Variants in CADM2 observed in about 807,000 individuals in gnomAD.
CADM2 encodes the protein immunoglobulin superfamily member 4D.
Under a neutral mutation model 49.8 loss-of-function variants are expected in CADM2, and 12 were observed. The observed-to-expected ratio is 0.24, with a 90% CI of 0.15 to 0.39. The LOEUF is 0.39. Ranked by LOEUF, CADM2 falls within the 10% of genes least tolerant of loss-of-function variation. CADM2 has a pLI of 1.00. For missense variants in CADM2, 378 were observed against 492.3 expected (o/e 0.77, Z 2.20); for synonymous variants, 214 against 175.4 (o/e 1.22, Z -1.74).
intron 1 of CADM2, among the ~76,000 whole-genome samples, chr3:85,202,117 C>T (rs1048567237): frequency 6.9e-6 from 1 of 144,710 alleles, no homozygotes. Flanking sequence ...CTCATCTGTT[C>T]AAGTTTTATC....
At chr3:85,220,959 T>C (rs1264812103) in intron 1 of CADM2, among the ~76,000 whole-genome samples, 1 of 152,150 alleles carries the variant, frequency 6.6e-6, no homozygotes, top group Non-Finnish European at 1.5e-5. Flanking sequence ...ATTATAGCGG[T>C]CTGAAATTAG....
intron 3 of CADM2, among the ~76,000 whole-genome samples, chr3:85,876,806 G>A (rs1321354889): frequency 6.6e-6 from 1 of 152,106 alleles, no homozygotes; most frequent in Non-Finnish European, 1.5e-5. Context: ...TTCTTATTAA[G>A]TTAATTTGGT....
At chr3:85,574,471 T>C (rs981325348) in intron 1 of CADM2, among the ~76,000 whole-genome samples, 1 of 152,184 alleles carries the variant, frequency 6.6e-6, no homozygotes, top group African/African-American at 2.4e-5. Flanking sequence ...GTTCCAATTC[T>C]GTAAAATGAT....
At chr3:85,552,707 C>T (rs1042707347) in intron 1 of CADM2, among the ~76,000 whole-genome samples, 3 of 141,334 alleles carry the variant, frequency 2.1e-5, no homozygotes, top group African/African-American at 8.0e-5. Context: ...GACAGAGCCT[C>T]ACTCTGTCGC....
chr3:85,496,168 C>A (rs1272203047), intron 1 of CADM2, among the ~76,000 whole-genome samples: 1 of 152,094 alleles, frequency 6.6e-6, no homozygotes, highest in Non-Finnish European at 1.5e-5. Flanking sequence ...AACATAGTAA[C>A]CAATAGGCAC....
chr3:85,305,436 T>C (rs2044190126), intron 1 of CADM2, among the ~76,000 whole-genome samples: 1 of 151,716 alleles, frequency 6.6e-6, no homozygotes, highest in African/African-American at 2.4e-5. Context: ...CAGTCATTAG[T>C]AGAAAATTAA....
In CADM2 at chr3:85,645,857, G is replaced by A. The variant is rs182930708; in HGVS notation, c.62-80665G>A. ...TGAAATGTTGAACTCTGGGGAGGGG[G>A]TAAGAAAATACGTTATTAATAGAAA... On this transcript the variant is annotated intron_variant, in intron 1 of 9. Transcript: ENST00000383699. 5.9e-3 allele frequency among the ~76,000 whole-genome samples: 894 copies of A among 152,022 alleles called. 1 individual carries two copies. The highest frequency in any genetic ancestry group is 0.017 in the Middle Eastern group (5 of 292).
intron 1 of CADM2, among the ~76,000 whole-genome samples, chr3:85,173,049 C>T (rs562689828): frequency 3.4e-5 from 5 of 146,236 alleles, no homozygotes; most frequent in South Asian, 4.3e-4. Context: ...GGCTGGGTTG[C>T]GATGGTGCAA....
intron 1 of CADM2, among the ~76,000 whole-genome samples, chr3:85,459,259 T>C (rs2038130185): frequency 6.6e-6 from 1 of 152,154 alleles, no homozygotes; most frequent in African/African-American, 2.4e-5. Context: ...CTCATGACAT[T>C]GTCCAAAACC....
chr3:85,555,782 A>T (rs1468310864), intron 1 of CADM2, among the ~76,000 whole-genome samples: 1 of 152,102 alleles, frequency 6.6e-6, no homozygotes, highest in Non-Finnish European at 1.5e-5. Context: ...ACGCTTTGTC[A>T]TTTCAATTAA....
Position 85,337,468 on chromosome 3 carries a change from G to A in CADM2, c.61+377800G>A, listed in dbSNP as rs2045120667. Among the ~76,000 whole-genome samples the A allele has an allele frequency of 2.0e-5, 3 of 151,158 alleles. No homozygotes were observed. In the South Asian group the frequency reaches 6.2e-4, roughly 31 times the overall value. On this transcript the variant is annotated intron_variant, in intron 1 of 9. Transcript: ENST00000383699. ...TATTTCTTTATATTGTGTGTAATTG[G>A]GACAAAAATAAATGGCCTACAGACT... is the stretch of plus-strand genomic sequence containing the variant.
At chr3:85,350,061 T>G (rs2107233089) in intron 1 of CADM2, among the ~76,000 whole-genome samples, 1 of 152,304 alleles carries the variant, frequency 6.6e-6, no homozygotes, top group African/African-American at 2.4e-5. Flanking sequence ...TAAATTATGC[T>G]TATGAAGACA....
intron 6 of CADM2, among the ~76,000 whole-genome samples, chr3:85,928,798 T>C (rs927567863): frequency 6.6e-6 from 1 of 152,138 alleles, no homozygotes; most frequent in Non-Finnish European, 1.5e-5. Flanking sequence ...TTCATTTATT[T>C]ACACAACACT....
chr3:85,213,167 A>G (rs903920038), intron 1 of CADM2, among the ~76,000 whole-genome samples: 17 of 151,900 alleles, frequency 1.1e-4, no homozygotes, highest in African/African-American at 3.9e-4. Context: ...ACAGGTGTGA[A>G]CCACCGTGCC....
At chr3:86,044,304 T>C (rs1473697352) in intron 8 of CADM2, among the ~76,000 whole-genome samples, 1 of 152,108 alleles carries the variant, frequency 6.6e-6, no homozygotes, top group African/African-American at 2.4e-5. Flanking sequence ...ATTTTTGCAA[T>C]CTACTCATCT....
At chr3:85,752,150 A>T (rs1020011190) in intron 2 of CADM2, among the ~76,000 whole-genome samples, 1 of 152,134 alleles carries the variant, frequency 6.6e-6, no homozygotes, top group Non-Finnish European at 1.5e-5. Flanking sequence ...GCAAAAGGAG[A>T]TAATGATTTC....
intron 1 of CADM2, among the ~76,000 whole-genome samples, chr3:85,350,122 T>C (rs1294540068): frequency 6.6e-6 from 1 of 152,188 alleles, no homozygotes; most frequent in African/African-American, 2.4e-5. Context: ...CGCAAAGTCA[T>C]CTTAATATAG....
At chr3:85,672,502 A>C (rs1577060711) in intron 1 of CADM2, among the ~76,000 whole-genome samples, 1 of 151,902 alleles carries the variant, frequency 6.6e-6, no homozygotes, top group Non-Finnish European at 1.5e-5. Context: ...TAATACTGAT[A>C]CTCAGTGGCT....
At chr3:85,284,972 G>C (rs1336619160) in intron 1 of CADM2, among the ~76,000 whole-genome samples, 2 of 152,070 alleles carry the variant, frequency 1.3e-5, no homozygotes, top group Non-Finnish European at 2.9e-5. Flanking sequence ...AATAATTCTA[G>C]AGAAACATGG....
Sources: allele counts gnomAD v4.1 joint callset (sites outside exome capture counted in the v4.1 genomes callset), GRCh38; gene constraint gnomAD v4.1.1; transcripts MANE v1.5; gene names NCBI Gene and HGNC (gene_info 2026-07-23, HGNC 2026-07-21).